The following EIF3L variants were observed in gnomAD, a reference collection of about 807,000 sequenced individuals.
EIF3L encodes eIEF associated protein HSPC021.
Under a neutral mutation model 74.6 loss-of-function variants are expected in EIF3L, and 32 were observed. That is an observed-to-expected ratio of 0.43 (90% CI 0.32 to 0.58). The LOEUF is 0.58. EIF3L is among the 20% of genes least tolerant of loss of function. The pLI, the probability that EIF3L is intolerant of heterozygous loss-of-function variation, is 0.06. For synonymous variants in EIF3L, 256 were observed against 254.4 expected (o/e 1.01, Z -0.06); for missense variants, 474 against 707.8 (o/e 0.67, Z 3.75).
At chr22:37,853,518 C>A (rs1925339428) in intron 3 of EIF3L, among the ~76,000 whole-genome samples, 1 of 152,110 alleles carries the variant, frequency 6.6e-6, no homozygotes, top group African/African-American at 2.4e-5. Flanking sequence ...GCCTATAGTC[C>A]CAGCTAGTTG....
intron 8 of EIF3L, 147 bp from the exon 9 acceptor site, chr22:37,874,223 G>A (rs954265035): frequency 4.0e-6 from 3 of 749,942 alleles, no homozygotes; most frequent in Admixed American, 2.8e-5. Context: ...GCTGTTTCTT[G>A]GTATTCCTTT....
At chr22:37,855,769 T>C in intron 4 of EIF3L, 125 bp downstream of exon 4, 1 of 716,460 alleles carries the variant, frequency 1.4e-6, no homozygotes, top group South Asian at 1.9e-5. Flanking sequence ...GCTTGGTATG[T>C]AGTAGGTCCT....
chr22:37,868,634 C>CTCTTTTTT lies in EIF3L; in HGVS notation c.580-1541_580-1540insCTTTTTTT, dbSNP rs1926301642. On this transcript the variant is annotated intron_variant, in intron 7 of 12. Coordinates refer to ENST00000652021, the MANE Select transcript of EIF3L (RefSeq NM_016091.4). ...ACACCTGGCTATTTTTGTTTTGGTG[C>CTCTTTTTT]TTTTTTTTTTTTTTTTTTTTTTTTT... Among the ~76,000 whole-genome samples, 18 of 25,132 alleles carry CTCTTTTTT rather than the reference C, an allele frequency of 7.2e-4. 1 individual carries two copies. The highest frequency in any genetic ancestry group is 2.6e-3 in the African/African-American group (18 of 7,008). 16.5% of individuals were successfully genotyped at this position (25,132 alleles called of 152,430 possible).
At chr22:37,855,439 C>A in intron 3 of EIF3L, 126 bp from the exon 4 acceptor site, 1 of 747,268 alleles carries the variant, frequency 1.3e-6, no homozygotes, top group South Asian at 1.7e-5. Flanking sequence ...GCTTGAAGGG[C>A]TTTGGCCTCA....
chr22:37,870,151 G>T (rs747556279), intron 7 of EIF3L, 25 bp from the exon 8 acceptor site: 1 of 1,571,434 alleles, frequency 6.4e-7, no homozygotes, highest in Non-Finnish European at 8.6e-7. Context: ...TACCACTACT[G>T]CATGTTTCTT....
chr22:37,880,020 C>T (rs1926963370), intron 11 of EIF3L: 2 of 152,112 alleles, frequency 1.3e-5, no homozygotes. Context: ...CCAGACTGGT[C>T]TCCAACTCCT....
rs368689415 is a variant in EIF3L, at chr22:37,877,656, T to A, written c.1078-18T>A. 6.3e-7 allele frequency: 1 copy of A among 1,578,964 alleles called. No homozygotes were observed. The highest frequency in any genetic ancestry group is 1.3e-5 in the African/African-American group (1 of 74,488). Reference sequence around the variant, plus strand: ...TCCGTCTCATTTGACCCAGTACCACTCTCCACCCCATCCCCAGATTAACAA... The same window carrying A: ...TCCGTCTCATTTGACCCAGTACCACACTCCACCCCATCCCCAGATTAACAA... On this transcript the variant is annotated intron_variant, in intron 10 of 12. Coordinates refer to ENST00000652021, the MANE Select transcript of EIF3L (RefSeq NM_016091.4).
intron 4 of EIF3L, 44 bp from the exon 5 acceptor site, chr22:37,858,635 C>T (rs765919617): frequency 6.4e-7 from 1 of 1,570,930 alleles, no homozygotes; most frequent in Non-Finnish European, 8.7e-7. Context: ...CCAGGATACC[C>T]CAGTTTTATG....
chr22:37,859,679 G>T (rs2145807958), intron 5 of EIF3L, among the ~76,000 whole-genome samples: 1 of 151,434 alleles, frequency 6.6e-6, no homozygotes, highest in Non-Finnish European at 1.5e-5. Context: ...ACCACGCCCG[G>T]CCTAGAGTGC....
intron 3 of EIF3L, among the ~76,000 whole-genome samples, chr22:37,853,299 G>A (rs928540615): frequency 1.3e-5 from 2 of 152,234 alleles, no homozygotes; most frequent in Non-Finnish European, 2.9e-5. Flanking sequence ...GAAGAAGAGA[G>A]GGAGGCAAGT....
chr22:37,849,831 ATGT>A (rs1925072730), intron 1 of EIF3L, 181 bp from the exon 2 acceptor site: 5 of 657,242 alleles, frequency 7.6e-6, no homozygotes, highest in Non-Finnish European at 1.3e-5. Context: ...TGCACCCGTA[ATGT>A]TGTATTGTCA....
intron 7 of EIF3L, among the ~76,000 whole-genome samples, chr22:37,864,059 A>C (rs12157929): frequency 6.6e-6 from 1 of 151,602 alleles, no homozygotes; most frequent in African/African-American, 2.4e-5. Flanking sequence ...GCAAGACTCC[A>C]TCTCAAAAAA....
At chr22:37,869,465 A>T (rs1219272114) in intron 7 of EIF3L, among the ~76,000 whole-genome samples, 1 of 151,870 alleles carries the variant, frequency 6.6e-6, no homozygotes, top group Non-Finnish European at 1.5e-5. Context: ...ATCTTCTAAG[A>T]CCTAGGTTTT....
At chr22:37,852,041 T>C (rs779569253) in intron 3 of EIF3L, among the ~76,000 whole-genome samples, 8 of 152,146 alleles carry the variant, frequency 5.3e-5, no homozygotes, top group Non-Finnish European at 7.3e-5. Flanking sequence ...TGACCTCAAG[T>C]GATGTACCCC....
chr22:37,860,403 G>C (rs1247422389), intron 5 of EIF3L, among the ~76,000 whole-genome samples: 1 of 152,204 alleles, frequency 6.6e-6, no homozygotes, highest in African/African-American at 2.4e-5. Flanking sequence ...CATCCAGGCT[G>C]GAATGCAGTG....
At chr22:37,879,969 T>A (rs1304756820) in intron 11 of EIF3L, 1 of 151,318 alleles carries the variant, frequency 6.6e-6, no homozygotes, top group Non-Finnish European at 1.5e-5. Context: ...CCAGCTAATA[T>A]TTTGTGTATT....
In EIF3L at chr22:37,870,121, G is replaced by A. The variant is rs1047476534; in HGVS notation, c.580-55G>A. The A allele has an allele frequency of 2.0e-6, 3 of 1,478,160 alleles. No individual in the cohort carries two copies. The African/African-American group carries it at 4.2e-5, about 21-fold the overall frequency. The allele number at this position is 1,478,160 out of a possible 1,614,324, so 91.6% of individuals were successfully genotyped here. A position where few individuals can be genotyped will look rare whatever the true frequency, so the allele number is the denominator to read the frequency against. On this transcript the variant is annotated intron_variant, in intron 7 of 12. Transcript: ENST00000652021. ...GCCTCGTTTTCAGCATTGTGGACAT[G>A]GATGATCACTTTGGGCTTATACCAC...
At chr22:37,857,136 C>T (rs1051874499) in intron 4 of EIF3L, among the ~76,000 whole-genome samples, 4 of 151,792 alleles carry the variant, frequency 2.6e-5, no homozygotes, top group East Asian at 1.9e-4. Context: ...TGAAGGTGGA[C>T]GGATCACGAG....
intron 5 of EIF3L, 148 bp from the exon 6 acceptor site, chr22:37,862,821 C>A (rs1297933342): frequency 5.0e-6 from 3 of 601,104 alleles, no homozygotes; most frequent in African/African-American, 1.9e-5. Flanking sequence ...GACTTTCTAT[C>A]TTCCCTCTCA....
Sources: allele counts gnomAD v4.1 joint callset (sites outside exome capture counted in the v4.1 genomes callset), GRCh38; gene constraint gnomAD v4.1.1; transcripts MANE v1.5; gene names NCBI Gene and HGNC (gene_info 2026-07-23, HGNC 2026-07-21).